Variants in PRR16 observed in about 807,000 individuals in gnomAD.
PRR16 encodes the protein proline rich 16, also known as protein Largen.
A neutral mutation model predicts 18.2 loss-of-function variants in PRR16; 6 were observed. The observed-to-expected ratio is 0.33, with a 90% confidence interval of 0.18 to 0.65. The LOEUF (loss-of-function observed/expected upper bound fraction) is 0.65, where lower values mean the gene tolerates loss of function less well. PRR16 is among the 30% of genes least tolerant of loss of function. The pLI is 0.74. For missense variants in PRR16, 412 were observed against 376.6 expected (o/e 1.09, Z -0.78); for synonymous variants, 151 against 147.8 (o/e 1.02, Z -0.16).
the PRR16 span, among the ~76,000 whole-genome samples, chr5:120,697,469 C>A: frequency 6.6e-6 from 1 of 152,236 alleles, no homozygotes. Context: ...GGAATAAACA[C>A]ACAAAGTTAC....
At chr5:120,785,575 G>GTTGTTTTTTTTTT in the PRR16 span, among the ~76,000 whole-genome samples, 336 of 115,352 alleles carry the variant, frequency 2.9e-3, 12 homozygotes, top group African/African-American at 0.011. Context: ...TGTTGTTGTT[G>GTTGTTTTTTTTTT]TTTTTTTTTT....
chr5:120,617,111 T>A, intron 1 of PRR16: 1 of 985,212 alleles, frequency 1.0e-6, no homozygotes, highest in Non-Finnish European at 1.2e-6. Flanking sequence ...CATTACCTAC[T>A]CCCACCTCCC....
At chr5:120,611,928 G>A (rs1754348670) in intron 1 of PRR16, among the ~76,000 whole-genome samples, 1 of 152,158 alleles carries the variant, frequency 6.6e-6, no homozygotes, top group Non-Finnish European at 1.5e-5. Flanking sequence ...CAGCTGGTGA[G>A]AGCAGCCAAG....
chr5:120,625,805 G>T (rs1044715840), intron 1 of PRR16, among the ~76,000 whole-genome samples: 1 of 139,346 alleles, frequency 7.2e-6, no homozygotes, highest in Admixed American at 6.8e-5. Flanking sequence ...ATGTATTTAC[G>T]TGATGATCTG....
At chr5:120,775,166 A>G in the PRR16 span, among the ~76,000 whole-genome samples, 18 of 152,282 alleles carry the variant, frequency 1.2e-4, no homozygotes, top group Non-Finnish European at 2.6e-4. Context: ...TAGACTTTCC[A>G]CTTTAACCAA....
At chr5:120,623,296 C>T (rs1322522411) in intron 1 of PRR16, among the ~76,000 whole-genome samples, 1 of 152,060 alleles carries the variant, frequency 6.6e-6, no homozygotes, top group Non-Finnish European at 1.5e-5. Context: ...CTAGATTTTT[C>T]TTGGTAGTTT....
chr5:120,791,608 T>A, the PRR16 span, among the ~76,000 whole-genome samples: 1 of 80,094 alleles, frequency 1.2e-5, no homozygotes, highest in Non-Finnish European at 3.1e-5. Flanking sequence ...TCTATCTATC[T>A]ATCTATCTAT....
At chr5:120,491,118 C>T (rs1397001486) in intron 1 of PRR16, among the ~76,000 whole-genome samples, 5 of 152,160 alleles carry the variant, frequency 3.3e-5, no homozygotes, top group African/African-American at 9.7e-5. Context: ...CTTGAGGAGG[C>T]AGTCTGTCCG....
intron 1 of PRR16, among the ~76,000 whole-genome samples, chr5:120,578,579 A>G (rs1425793772): frequency 2.0e-5 from 3 of 152,112 alleles, no homozygotes; most frequent in Non-Finnish European, 2.9e-5. Flanking sequence ...ACATAATCTC[A>G]TTTCTTTTTA....
At chr5:120,477,082 C>T (rs1580618360) in intron 1 of PRR16, among the ~76,000 whole-genome samples, 1 of 152,268 alleles carries the variant, frequency 6.6e-6, no homozygotes, top group South Asian at 2.1e-4. Context: ...TTGTTACCTT[C>T]ACTTATTCCT....
intron 1 of PRR16, among the ~76,000 whole-genome samples, chr5:120,626,120 A>G (rs1477863082): frequency 1.3e-5 from 2 of 152,170 alleles, no homozygotes; most frequent in East Asian, 3.8e-4. Context: ...CCCAAGGCTC[A>G]GTAAGCGTTA....
rs1757148143 is a variant in PRR16, at chr5:120,686,981, G to A, written c.*272G>A. 1 of 258,836 alleles carries A rather than the reference G, an allele frequency of 3.9e-6. No individual in the cohort carries two copies. Among genetic ancestry groups the A allele is most frequent in the Non-Finnish European group, 7.2e-6 (1 of 138,826 alleles). 16.0% of individuals were successfully genotyped at this position (258,836 alleles called of 1,614,324 possible). Reference sequence around the variant, plus strand: ...TTGACCTATGACAAACTGTGAACCTGCAGATTTCACCTATTTTGATTTACT... The same window carrying A: ...TTGACCTATGACAAACTGTGAACCTACAGATTTCACCTATTTTGATTTACT... On this transcript the variant is annotated 3_prime_UTR_variant, in exon 2 of 2. Coordinates refer to ENST00000407149, the MANE Select transcript of PRR16 (RefSeq NM_001300783.2).
chr5:120,571,961 A>G (rs1012604229), intron 1 of PRR16, among the ~76,000 whole-genome samples: 2 of 152,102 alleles, frequency 1.3e-5, no homozygotes, highest in African/African-American at 2.4e-5. Context: ...CCCTCCATCC[A>G]TATAGTCTCA....
chr5:120,743,832 A>C, the PRR16 span, among the ~76,000 whole-genome samples: 1 of 151,652 alleles, frequency 6.6e-6, no homozygotes, highest in Non-Finnish European at 1.5e-5. Context: ...TGCTTTAATC[A>C]CTTTATTTTA....
chr5:120,785,575 G>GTTGTTGTTTTTTTTT, the PRR16 span, among the ~76,000 whole-genome samples: 5 of 115,392 alleles, frequency 4.3e-5, no homozygotes, highest in African/African-American at 1.7e-4. Context: ...TGTTGTTGTT[G>GTTGTTGTTTTTTTTT]TTTTTTTTTT....
At position 120,468,177 on chromosome 5, in the gene PRR16, T is replaced by A. The variant is rs146380163; in HGVS notation, c.159+3532T>A. 3.1e-3 allele frequency among the ~76,000 whole-genome samples: 468 copies of A among 152,204 alleles called. 4 individuals carry two copies. Among genetic ancestry groups the A allele is most frequent in the African/African-American group, 0.011 (452 of 41,552 alleles). On this transcript the variant is annotated intron_variant, in intron 1 of 1. Transcript: ENST00000407149. ...GTATGGCAAGTCTTTGATGAAGAAA[T>A]AAGCTTAAAAAGATGAAAATATATG...
intron 1 of PRR16, among the ~76,000 whole-genome samples, chr5:120,523,247 C>G (rs1469493511): frequency 6.6e-6 from 1 of 152,112 alleles, no homozygotes; most frequent in Non-Finnish European, 1.5e-5. Flanking sequence ...TAATAAATAG[C>G]TCAACACTGG....
rs559745199 is a variant in PRR16 at position 120,521,214 on chromosome 5, G to A, written c.159+56569G>A. 4.9e-4 allele frequency among the ~76,000 whole-genome samples: 75 copies of A among 152,116 alleles called. 1 individual carries two copies. Among genetic ancestry groups the A allele is most frequent in the South Asian group, 2.3e-3 (11 of 4,816 alleles). ...TGGATGAGCCAGTTGCCTTTGGCTC[G>A]GGACAAGATGAGTCCTTTATTTTTT... On this transcript the variant is annotated intron_variant, in intron 1 of 1. Coordinates refer to ENST00000407149, the MANE Select transcript of PRR16 (RefSeq NM_001300783.2).
intron 1 of PRR16, among the ~76,000 whole-genome samples, chr5:120,582,493 AAT>A (rs1303536647): frequency 6.6e-5 from 10 of 151,978 alleles, no homozygotes; most frequent in East Asian, 1.9e-4. Context: ...TTTTTAAAAA[AAT>A]AGAATAAGGA....
Sources: allele counts gnomAD v4.1 joint callset (sites outside exome capture counted in the v4.1 genomes callset), GRCh38; gene constraint gnomAD v4.1.1; transcripts MANE v1.5; gene names NCBI Gene and HGNC (gene_info 2026-07-23, HGNC 2026-07-21).